Variants in PDE11A observed in about 807,000 individuals in gnomAD.
PDE11A encodes the protein dual 3',5'-cyclic-AMP and -GMP phosphodiesterase 11A.
PDE11A carries 100 observed loss-of-function variants against 100.5 expected under a neutral mutation model. The observed-to-expected ratio is 1.00, with a 90% CI of 0.85 to 1.18. PDE11A has a LOEUF of 1.18. Ranked by LOEUF, PDE11A falls within the 50% of genes most tolerant of loss-of-function variation. PDE11A has a pLI of 0.00. For synonymous variants in PDE11A, 381 were observed against 420.8 expected (o/e 0.91, Z 1.16); for missense variants, 1,141 against 1,152.6 (o/e 0.99, Z 0.15).
intron 1 of PDE11A, among the ~76,000 whole-genome samples, chr2:178,070,588 C>T (rs568759135): frequency 1.3e-5 from 2 of 152,294 alleles, no homozygotes; most frequent in East Asian, 3.9e-4. Flanking sequence ...CAAGTCTCAT[C>T]ATATTCAGTG....
chr2:177,944,708 C>T (rs913584242), intron 2 of PDE11A, among the ~76,000 whole-genome samples: 2 of 152,162 alleles, frequency 1.3e-5, no homozygotes, highest in African/African-American at 2.4e-5. Flanking sequence ...CTCCCTCCTC[C>T]GAGAGACCGC....
chr2:177,635,012 T>A (rs944275544), intron 19 of PDE11A, among the ~76,000 whole-genome samples: 1 of 152,228 alleles, frequency 6.6e-6, no homozygotes, highest in Non-Finnish European at 1.5e-5. Flanking sequence ...TGCGGCTGCA[T>A]CAGCCTCAAG....
At chr2:177,806,994 A>G (rs2082882066) in intron 9 of PDE11A, among the ~76,000 whole-genome samples, 1 of 152,176 alleles carries the variant, frequency 6.6e-6, no homozygotes. Context: ...GGAAAAAATA[A>G]GTATTTGAAA....
intron 9 of PDE11A, among the ~76,000 whole-genome samples, chr2:177,772,702 C>G (rs1367497359): frequency 7.1e-6 from 1 of 141,588 alleles, no homozygotes; most frequent in South Asian, 2.2e-4. Context: ...ACTCTTCCCA[C>G]TTCCTTTATT....
At chr2:177,708,365 A>G (rs145624655) in intron 13 of PDE11A, among the ~76,000 whole-genome samples, 1 of 152,320 alleles carries the variant, frequency 6.6e-6, no homozygotes, top group East Asian at 1.9e-4. Context: ...TATTATCCTT[A>G]GCAAACTAAT....
intron 1 of PDE11A, among the ~76,000 whole-genome samples, chr2:178,027,674 A>C (rs2086494489): frequency 6.6e-6 from 1 of 152,272 alleles, no homozygotes; most frequent in African/African-American, 2.4e-5. Context: ...TAAAAGGTCC[A>C]ATTGACCTGC....
rs559352179 is a variant in PDE11A, at chr2:177,937,508, G to A, written c.1072-32321C>T. Among the ~76,000 whole-genome samples the A allele has an allele frequency of 9.2e-5, 14 of 151,984 alleles. 2 individuals carry two copies. The South Asian group carries it at 2.7e-3, about 29-fold the overall frequency. Reference sequence around the variant, plus strand: ...AATTTTTTGTATTTTCAGCAGAGACGGGGTTTCACTATGTTGGCCAGACTG... The same window carrying A: ...AATTTTTTGTATTTTCAGCAGAGACAGGGTTTCACTATGTTGGCCAGACTG... On this transcript the variant is annotated intron_variant, in intron 2 of 19. Transcript: ENST00000286063.
intron 3 of PDE11A, among the ~76,000 whole-genome samples, chr2:177,901,130 C>G (rs2084688792): frequency 6.6e-6 from 1 of 152,198 alleles, no homozygotes; most frequent in South Asian, 2.1e-4. Context: ...AGGAGTCATA[C>G]AGCTGACTCT....
intron 2 of PDE11A, among the ~76,000 whole-genome samples, chr2:177,982,103 G>T (rs1393633970): frequency 6.6e-6 from 1 of 150,990 alleles, no homozygotes; most frequent in African/African-American, 2.4e-5. Context: ...TACTAATCAC[G>T]AATGGAAGAG....
At chr2:177,708,005 G>C (rs1339112522) in intron 13 of PDE11A, among the ~76,000 whole-genome samples, 2 of 152,146 alleles carry the variant, frequency 1.3e-5, no homozygotes, top group African/African-American at 4.8e-5. Context: ...GGGAGATACA[G>C]TGATGATGAT....
chr2:178,064,722 G>T (rs774706067), intron 1 of PDE11A, among the ~76,000 whole-genome samples: 1 of 151,382 alleles, frequency 6.6e-6, no homozygotes, highest in Non-Finnish European at 1.5e-5. Context: ...TACTCATGTG[G>T]TTGAGGTGGG....
At chr2:177,964,838 A>T (rs527395876) in intron 2 of PDE11A, among the ~76,000 whole-genome samples, 2 of 152,266 alleles carry the variant, frequency 1.3e-5, no homozygotes, top group African/African-American at 4.8e-5. Flanking sequence ...ACGTGCATGT[A>T]TATGTGTCTT....
intron 10 of PDE11A, among the ~76,000 whole-genome samples, chr2:177,729,941 G>A (rs1387964086): frequency 1.3e-5 from 2 of 151,538 alleles, no homozygotes; most frequent in Non-Finnish European, 2.9e-5. Flanking sequence ...TTATTTTAAA[G>A]GCTTATCATT....
intron 1 of PDE11A, among the ~76,000 whole-genome samples, chr2:178,033,772 T>A (rs1178123230): frequency 1.6e-4 from 25 of 152,140 alleles, no homozygotes; most frequent in Admixed American, 1.6e-3. Flanking sequence ...AAAAAAGTTT[T>A]CAACCCAGAA....
In PDE11A at chr2:177,983,616, AAAACAAAC is replaced by A. The variant is rs145924465; in HGVS notation, c.1071+30678_1071+30685del. Among the ~76,000 whole-genome samples the A allele has an allele frequency of 1.4e-3, 220 of 152,308 alleles. 3 individuals are homozygous for A. The South Asian group carries it at 0.043, about 30-fold the overall frequency. The stretch of plus-strand genomic sequence containing the variant: ...TTACTGTGATAAATTAATTACTTAA[AAAACAAAC>A]AAACAAACAAACATAAATGCATGAG... On this transcript the variant is annotated intron_variant, in intron 2 of 19. Coordinates refer to ENST00000286063, the MANE Select transcript of PDE11A (RefSeq NM_016953.4).
chr2:178,084,414 T>G, intron 2 of PDE11A, among the ~76,000 whole-genome samples: 1 of 152,324 alleles, frequency 6.6e-6, no homozygotes, highest in South Asian at 2.1e-4. Context: ...AATTGCACAA[T>G]AATTTGATCA....
At chr2:178,077,205 CCAAA>C (rs936841564), upstream of PDE11A, among the ~76,000 whole-genome samples, 2 of 151,888 alleles carry the variant, frequency 1.3e-5, no homozygotes, top group African/African-American at 4.8e-5. Flanking sequence ...CAACAATTCA[CCAAA>C]CAAACTCTCT....
chr2:177,887,521 TG>T (rs2084457104), intron 4 of PDE11A, among the ~76,000 whole-genome samples: 1 of 152,082 alleles, frequency 6.6e-6, no homozygotes, highest in Non-Finnish European at 1.5e-5. Context: ...CCCAACACTT[TG>T]GGAGGCCAAA....
At chr2:178,107,269 G>A (rs1398515490) in intron 1 of PDE11A, among the ~76,000 whole-genome samples, 1 of 151,962 alleles carries the variant, frequency 6.6e-6, no homozygotes, top group Non-Finnish European at 1.5e-5. Flanking sequence ...AGGAAGGGAA[G>A]AGCAGGATAG....
Sources: gnomAD v4.1 joint callset for allele counts (sites outside exome capture counted in the v4.1 genomes callset) on GRCh38, gnomAD v4.1.1 for gene constraint, MANE v1.5 for transcripts, NCBI Gene and HGNC (gene_info 2026-07-23, HGNC 2026-07-21) for gene names.